Variants in ITGA8 observed in about 807,000 individuals in gnomAD.
ITGA8 encodes the protein integrin subunit alpha 8.
ITGA8 carries 91 observed loss-of-function variants against 142.3 expected under a neutral mutation model. The ratio of observed to expected loss-of-function variants is 0.64; its 90% CI spans 0.54 to 0.76. The LOEUF is 0.76. ITGA8 is among the 30% of genes least tolerant of loss of function. The pLI is 0.00. For synonymous variants in ITGA8, 505 were observed against 485.2 expected (o/e 1.04, Z -0.54); for missense variants, 1,406 against 1,327.7 (o/e 1.06, Z -0.92).
At chr10:15,587,016 C>T (rs555550774) in intron 22 of ITGA8, among the ~76,000 whole-genome samples, 7 of 152,026 alleles carry the variant, frequency 4.6e-5, no homozygotes, top group African/African-American at 1.7e-4. Flanking sequence ...TCTGCCTCCC[C>T]AATTCAAGTG....
At chr10:15,577,210 T>C (rs1834315263) in intron 23 of ITGA8, among the ~76,000 whole-genome samples, 1 of 152,200 alleles carries the variant, frequency 6.6e-6, no homozygotes, top group African/African-American at 2.4e-5. Context: ...ACATTTTCTC[T>C]GAAAACTTTT....
chr10:15,619,474 C>T (rs930872153), intron 13 of ITGA8, among the ~76,000 whole-genome samples: 10 of 152,238 alleles, frequency 6.6e-5, no homozygotes, highest in African/African-American at 2.4e-4. Context: ...TAAAGAGCTC[C>T]ATATTCATGG....
chr10:15,654,525 A>G (rs1481520172), intron 11 of ITGA8, among the ~76,000 whole-genome samples: 1 of 152,236 alleles, frequency 6.6e-6, no homozygotes, highest in Non-Finnish European at 1.5e-5. Flanking sequence ...CACAAAGTCC[A>G]TTGACAGCTA....
intron 26 of ITGA8, among the ~76,000 whole-genome samples, chr10:15,552,803 G>A (rs1320503904): frequency 6.6e-6 from 1 of 152,132 alleles, no homozygotes; most frequent in African/African-American, 2.4e-5. Flanking sequence ...TCTGTTCTCC[G>A]TGTTAGTTTG....
chr10:15,534,867 G>A (rs139996011), intron 27 of ITGA8, among the ~76,000 whole-genome samples: 1,648 of 152,314 alleles, frequency 0.011, 24 homozygotes, highest in African/African-American at 0.038. Flanking sequence ...CAACTTTGGC[G>A]GCACTTGAGG....
At chr10:15,538,964 T>G (rs1320324381) in intron 27 of ITGA8, among the ~76,000 whole-genome samples, 1 of 99,330 alleles carries the variant, frequency 1.0e-5, no homozygotes, top group South Asian at 2.6e-4. Context: ...TTTTTTTTTT[T>G]TTTTTTTTTT....
chr10:15,595,785 G>C (rs908534184), intron 21 of ITGA8, among the ~76,000 whole-genome samples: 1 of 152,106 alleles, frequency 6.6e-6, no homozygotes, highest in Non-Finnish European at 1.5e-5. Flanking sequence ...GGCCATTGAG[G>C]CTGGGCTCGG....
At chr10:15,541,930 C>T (rs1833576848) in intron 27 of ITGA8, among the ~76,000 whole-genome samples, 1 of 152,142 alleles carries the variant, frequency 6.6e-6, no homozygotes, top group Non-Finnish European at 1.5e-5. Context: ...GTACATTCGG[C>T]CCCTTGGTCT....
chr10:15,620,276 G>A (rs1354265382), intron 13 of ITGA8, among the ~76,000 whole-genome samples: 4 of 150,282 alleles, frequency 2.7e-5, no homozygotes, highest in Admixed American at 1.3e-4. Context: ...AATTCTGCTG[G>A]AGTTTTGCAT....
chr10:15,696,096 A>G (rs545755004), intron 2 of ITGA8, among the ~76,000 whole-genome samples: 86 of 152,310 alleles, frequency 5.6e-4, no homozygotes, highest in African/African-American at 2.0e-3. Context: ...CAACGCATTT[A>G]GGGTAGGGCC....
At chr10:15,581,554 T>A (rs1588657103) in intron 23 of ITGA8, among the ~76,000 whole-genome samples, 1 of 152,198 alleles carries the variant, frequency 6.6e-6, no homozygotes, top group Non-Finnish European at 1.5e-5. Flanking sequence ...GAATCTGCAG[T>A]TGGCATGAAA....
At chr10:15,526,192 T>C (rs1833170756) in intron 28 of ITGA8, among the ~76,000 whole-genome samples, 1 of 152,110 alleles carries the variant, frequency 6.6e-6, no homozygotes, top group South Asian at 2.1e-4. Flanking sequence ...TTTTTTTTTT[T>C]TGAGACGGAG....
intron 23 of ITGA8, among the ~76,000 whole-genome samples, chr10:15,586,218 C>T (rs892282501): frequency 1.3e-5 from 2 of 151,852 alleles, no homozygotes; most frequent in East Asian, 1.9e-4. Context: ...ACAACCACGC[C>T]TGGCTAATTT....
chr10:15,693,297 A>G (rs934071857), intron 2 of ITGA8, among the ~76,000 whole-genome samples: 2 of 152,184 alleles, frequency 1.3e-5, no homozygotes, highest in Admixed American at 1.3e-4. Flanking sequence ...AATACATTAC[A>G]AAATAAACTT....
rs1832964108 is a variant in ITGA8 at position 15,516,580 on chromosome 10, C to T, written c.*578G>A. 1 of 152,222 alleles carries T rather than the reference C, an allele frequency of 6.6e-6. No homozygotes were observed. Among genetic ancestry groups the T allele is most frequent in the Non-Finnish European group, 1.5e-5 (1 of 68,042 alleles). 9.4% of individuals were successfully genotyped at this position (152,222 alleles called of 1,614,324 possible). A position where few individuals can be genotyped will look rare whatever the true frequency, so the allele number is the denominator to read the frequency against. On this transcript the variant is annotated 3_prime_UTR_variant, in exon 30 of 30. Coordinates refer to ENST00000378076, the MANE Select transcript of ITGA8 (RefSeq NM_003638.3). ...CATGGAAAATAAATAAATAAACTCTCACCCTCACTCACAAGATTATTTTTG... is the reference window on the plus strand; with the variant it reads ...CATGGAAAATAAATAAATAAACTCTTACCCTCACTCACAAGATTATTTTTG...
intron 27 of ITGA8, among the ~76,000 whole-genome samples, chr10:15,536,238 G>C (rs1217862883): frequency 6.6e-6 from 1 of 151,912 alleles, no homozygotes; most frequent in East Asian, 1.9e-4. Context: ...AGATCAATCT[G>C]TTTTTTGTTT....
In ITGA8 at chr10:15,671,668, C is replaced by G. The variant is rs7100510; in HGVS notation, c.803-21G>C. 1,077,034 of 1,595,960 alleles carry G rather than the reference C, an allele frequency of 0.67. 367,796 individuals carry two copies. The highest frequency in any genetic ancestry group is 0.81 in the South Asian group (73,530 of 90,620). On this transcript the variant is annotated intron_variant, in intron 7 of 29. Transcript: ENST00000378076. ...GTATCCTGTTTTAAAGAAAAAGAAACAAACTAATCACACTTAATGACTTAA... is the reference window on the plus strand; with the variant it reads ...GTATCCTGTTTTAAAGAAAAAGAAAGAAACTAATCACACTTAATGACTTAA...
intron 2 of ITGA8, among the ~76,000 whole-genome samples, chr10:15,697,009 C>T (rs1360696957): frequency 6.7e-6 from 1 of 150,330 alleles, no homozygotes; most frequent in Admixed American, 6.7e-5. Flanking sequence ...AGTATTCTGT[C>T]TCTAAAGTCT....
chr10:15,647,123 C>T lies in ITGA8; in HGVS notation c.1002-72G>A, dbSNP rs1339655814. Reference sequence around the variant, plus strand: ...GTCACTTTGGGTTATTTGTAATCAACTAGACTAGTAAATTTCCATTGGTAT... The same window carrying T: ...GTCACTTTGGGTTATTTGTAATCAATTAGACTAGTAAATTTCCATTGGTAT... On this transcript the variant is annotated intron_variant, in intron 11 of 29. Coordinates refer to ENST00000378076, the MANE Select transcript of ITGA8 (RefSeq NM_003638.3). 5.4e-6 allele frequency: 6 copies of T among 1,112,394 alleles called. No individual in the cohort carries two copies. The Admixed American group carries it at 5.5e-5, about 10-fold the overall frequency. The allele number at this position is 1,112,394 out of a possible 1,614,324, so 68.9% of individuals were successfully genotyped here. A position where few individuals can be genotyped will look rare whatever the true frequency, so the allele number is the denominator to read the frequency against.
Sources: allele counts gnomAD v4.1 joint callset (sites outside exome capture counted in the v4.1 genomes callset), GRCh38; gene constraint gnomAD v4.1.1; transcripts MANE v1.5; gene names NCBI Gene and HGNC (gene_info 2026-07-23, HGNC 2026-07-21).